AGL: variants seen among roughly 807,000 people sequenced by gnomAD.
AGL encodes the protein glycogen debranching enzyme.
Under a neutral mutation model 199.3 loss-of-function variants are expected in AGL, and 128 were observed. That is an observed-to-expected ratio of 0.64 (90% CI 0.56 to 0.74). The LOEUF is 0.74. AGL is among the 30% of genes least tolerant of loss of function. The pLI, the probability that AGL is intolerant of heterozygous loss-of-function variation, is 0.00. For missense variants in AGL, 1,809 were observed against 1,820.8 expected, an observed-to-expected ratio of 0.99 and a Z score of 0.12; for synonymous variants, 584 against 594.7, an observed-to-expected ratio of 0.98 and a Z score of 0.26.
In AGL at chr1:99,870,880, C is replaced by T. The variant is rs754511749; in HGVS notation, c.958+11C>T. Reference sequence around the variant, plus strand: ...GACTTCTTACACAAGGTAAAGGATACATACTAGAATGTTCCTATCGATTTT... The same window carrying T: ...GACTTCTTACACAAGGTAAAGGATATATACTAGAATGTTCCTATCGATTTT... On this transcript the variant is annotated intron_variant, in intron 7 of 33. Transcript: ENST00000361915. 23 of 1,460,722 alleles carry T rather than the reference C, an allele frequency of 1.6e-5. No homozygotes were observed. Among genetic ancestry groups the T allele is most frequent in the Non-Finnish European group, 2.2e-5 (23 of 1,041,462 alleles). The allele number at this position is 1,460,722 out of a possible 1,614,324, so 90.5% of individuals were successfully genotyped here. A position where few individuals can be genotyped will look rare whatever the true frequency, so the allele number is the denominator to read the frequency against.
intron 7 of AGL, among the ~76,000 whole-genome samples, chr1:99,872,717 C>G (rs193101151): frequency 0.016 from 2,408 of 152,038 alleles, 29 homozygotes; most frequent in Non-Finnish European, 0.022. Flanking sequence ...TTAGTAGAGA[C>G]GGGGTTTCAC....
At chr1:99,851,202 T>A in intron 2 of AGL, 78 bp downstream of exon 2, 1 of 1,310,902 alleles carries the variant, frequency 7.6e-7, no homozygotes, top group Non-Finnish European at 1.1e-6. Flanking sequence ...TTAAATGTTT[T>A]AAAGCTCTAA....
At chr1:99,883,565 C>A (rs899040482) in intron 17 of AGL, among the ~76,000 whole-genome samples, 22 of 152,038 alleles carry the variant, frequency 1.4e-4, no homozygotes, top group African/African-American at 4.3e-4. Flanking sequence ...CACTAAAAAG[C>A]AAGTTGCAAA....
chr1:99,906,140 T>C (rs934183013), intron 27 of AGL, among the ~76,000 whole-genome samples: 1 of 152,104 alleles, frequency 6.6e-6, no homozygotes, highest in Non-Finnish European at 1.5e-5. Context: ...CTCCTCATTA[T>C]CTCCTTCCCC....
At chr1:99,891,435 T>G (rs1652893467) in intron 22 of AGL, 79 bp downstream of exon 22, 1 of 1,553,966 alleles carries the variant, frequency 6.4e-7, no homozygotes, top group Middle Eastern at 2.3e-4. Context: ...AATATTTACA[T>G]TGTTTTCTAA....
rs1570440521 is a variant in AGL, at chr1:99,879,039, T to C, written c.1612-884T>C. Among the ~76,000 whole-genome samples the C allele has an allele frequency of 2.0e-5, 3 of 152,312 alleles. No homozygotes were observed. The South Asian group carries it at 6.2e-4, about 32-fold the overall frequency. ...GTTTAACAGTTTGGAACCAATCTGA[T>C]TTTTTATTATAAACCAGTGTTTATA... On this transcript the variant is annotated intron_variant, in intron 12 of 33. Coordinates refer to ENST00000361915, the MANE Select transcript of AGL (RefSeq NM_000642.3).
At chr1:99,866,609 T>C (rs1263617163) in intron 5 of AGL, among the ~76,000 whole-genome samples, 1 of 152,098 alleles carries the variant, frequency 6.6e-6, no homozygotes, top group African/African-American at 2.4e-5. Flanking sequence ...ATGTGTAAAG[T>C]TGAACCTTGG....
At position 99,900,752 on chromosome 1, in the gene AGL, G is replaced by A. The variant is rs1160711540; in HGVS notation, c.3479G>A (p.Cys1160Tyr). 1.2e-6 allele frequency: 2 copies of A among 1,613,980 alleles called. No homozygotes were observed. The highest frequency in any genetic ancestry group is 2.2e-5 in the East Asian group (1 of 44,888). The change falls in exon 26 of 34, where the codon TGT (cysteine) becomes TAT (tyrosine). Residue 1160 changes from cysteine (C) to tyrosine (Y), a missense_variant. Physicochemically the swap from Cys to Tyr is radical, Grantham distance 194. Coordinates refer to ENST00000361915, the MANE Select transcript of AGL (RefSeq NM_000642.3). ...GATGCTGTGTGGTGGTGGCTGCAGT[G>A]TATCCAGGATTACTGTAAAATGGTT... ...CRDAVWWWLQ[C>Y]IQDYCKMVPN... is the part of the protein sequence containing the mutation.
At chr1:99,915,871 A>T (rs932529418) in intron 31 of AGL, among the ~76,000 whole-genome samples, 1 of 152,196 alleles carries the variant, frequency 6.6e-6, no homozygotes, top group Non-Finnish European at 1.5e-5. Context: ...AATGGAGTAT[A>T]GATAACTGTG....
chr1:99,874,462 T>C (rs1030649779), intron 7 of AGL: 6 of 456,388 alleles, frequency 1.3e-5, no homozygotes, highest in African/African-American at 9.9e-5. Context: ...TTTTTGTCTC[T>C]GTTTCTTTCT....
chr1:99,905,665 C>T (rs1654229677), intron 27 of AGL, among the ~76,000 whole-genome samples: 1 of 152,124 alleles, frequency 6.6e-6, no homozygotes, highest in South Asian at 2.1e-4. Flanking sequence ...CTTCTAATTC[C>T]TGGGTTTAAG....
At chr1:99,856,382 C>G (rs1273287435) in intron 2 of AGL, among the ~76,000 whole-genome samples, 1 of 134,184 alleles carries the variant, frequency 7.5e-6, no homozygotes, top group Non-Finnish European at 1.6e-5. Flanking sequence ...CTCCCTTCCT[C>G]CCTCCCTCCC....
chr1:99,854,763 C>CAAAAAAAAAAA (rs11368135), intron 2 of AGL, among the ~76,000 whole-genome samples: 3 of 84,208 alleles, frequency 3.6e-5, no homozygotes, highest in Non-Finnish European at 5.2e-5. Flanking sequence ...GATGCCGTCT[C>CAAAAAAAAAAA]AAAAAAAAAA....
At chr1:99,890,856 ATTAC>A (rs373770793) in intron 21 of AGL, among the ~76,000 whole-genome samples, 451 of 152,270 alleles carry the variant, frequency 3.0e-3, no homozygotes, top group African/African-American at 0.01. Flanking sequence ...ATACAGGCTT[ATTAC>A]TTTTCTTTCT....
intron 22 of AGL, 61 bp from the exon 23 acceptor site, chr1:99,891,545 C>G: frequency 6.3e-7 from 1 of 1,596,562 alleles, no homozygotes; most frequent in East Asian, 2.2e-5. Flanking sequence ...AGATTTACCT[C>G]TAAAAACACA....
chr1:99,877,067 T>C (rs927952883), intron 11 of AGL, among the ~76,000 whole-genome samples: 37 of 152,212 alleles, frequency 2.4e-4, no homozygotes, highest in African/African-American at 8.4e-4. Flanking sequence ...AGCTATTTCA[T>C]TACCAGGAAG....
At chr1:99,903,646 T>A (rs1485969467) in intron 27 of AGL, among the ~76,000 whole-genome samples, 1 of 152,200 alleles carries the variant, frequency 6.6e-6, no homozygotes, top group Non-Finnish European at 1.5e-5. Flanking sequence ...TTTGGGTATA[T>A]ACCCAGTAAT....
At chr1:99,876,636 T>A (rs758493297) in intron 11 of AGL, 39 bp downstream of exon 11, 1 of 1,609,878 alleles carries the variant, frequency 6.2e-7, no homozygotes, top group Non-Finnish European at 8.5e-7. Flanking sequence ...GGGGAAAGAA[T>A]AGTTCATGGC....
intron 29 of AGL, 145 bp from the exon 30 acceptor site, chr1:99,913,382 A>G: frequency 1.4e-6 from 1 of 705,462 alleles, no homozygotes; most frequent in Non-Finnish European, 2.4e-6. Context: ...ACACATCTCA[A>G]TTCAGACTGG....
Sources: gnomAD v4.1 joint callset for allele counts (sites outside exome capture counted in the v4.1 genomes callset) on GRCh38, gnomAD v4.1.1 for gene constraint, MANE v1.5 for transcripts, NCBI Gene and HGNC (gene_info 2026-07-23, HGNC 2026-07-21) for gene names.